Variants in ARHGAP4 observed in about 807,000 individuals in gnomAD.
ARHGAP4 encodes rho GTPase-activating protein 4.
ARHGAP4 carries 25 observed loss-of-function variants against 67.6 expected under a neutral mutation model. That is an observed-to-expected ratio of 0.37 (90% CI 0.27 to 0.52). The LOEUF (loss-of-function observed/expected upper bound fraction) is 0.52. ARHGAP4 is among the 20% of genes least tolerant of loss of function. The pLI is 0.92. For synonymous variants in ARHGAP4, 448 were observed against 373.7 expected (o/e 1.20, Z -2.29); for missense variants, 804 against 854.6 (o/e 0.94, Z 0.74).
chrX:153,914,011 C>G, intron 7 of ARHGAP4, 132 bp from the exon 8 acceptor site: 1 of 533,195 alleles, frequency 1.9e-6, no homozygotes, highest in Non-Finnish European at 3.1e-6. Flanking sequence ...CCCAGACGCT[C>G]AGCTGAAGAA....
rs782026819 is a variant in ARHGAP4 at position 153,913,399 on chromosome X, C to T, written c.1326+10G>A. On this transcript the variant is annotated intron_variant, in intron 9 of 21. Coordinates refer to ENST00000350060, the MANE Select transcript of ARHGAP4 (RefSeq NM_001666.5). ...CCACGGGTCCCGCCCACCAGCCCAGCCCTCCCCACCGTGAGGTAGAAGGTT... is the reference window on the plus strand; with the variant it reads ...CCACGGGTCCCGCCCACCAGCCCAGTCCTCCCCACCGTGAGGTAGAAGGTT... The T allele has an allele frequency of 9.4e-5, 113 of 1,207,135 alleles. No individual in the cohort carries two copies. The highest frequency in any genetic ancestry group is 1.2e-4 in the Non-Finnish European group (110 of 893,036).
At position 153,913,230 on chromosome X, in the gene ARHGAP4, C is replaced by T; in HGVS notation, c.1399G>A (p.Ala467Thr). 3 of 1,168,636 alleles carry T rather than the reference C, an allele frequency of 2.6e-6. No homozygotes were observed. Among genetic ancestry groups the T allele is most frequent in the Non-Finnish European group, 3.4e-6 (3 of 873,629 alleles). The change falls in exon 10 of 22, where the codon GCC becomes ACC. Residue 467 changes from alanine (A) to threonine (T), a missense_variant. By Grantham distance (58) the Ala-to-Thr change is moderately conservative. Around this residue, in one of 2 missense-constraint regions of ARHGAP4, gnomAD observed 404 missense variants for 505.9 expected, o/e 0.80. Transcript: ENST00000350060. ...LQAKHEKLQE[A>T]LQRGDKEEQE... is the part of the protein sequence containing the mutation. ...GCACTGGGCCCACCTCGCTGAAGGG[C>T]CTCCTGCAGCTTCTCGTGCTTGGCC...
At chrX:153,915,643 G>A (rs1183108577) in intron 7 of ARHGAP4, among the ~76,000 whole-genome samples, 3 of 111,630 alleles carry the variant, frequency 2.7e-5, no homozygotes, top group Non-Finnish European at 5.6e-5. Context: ...TCTTAGCCAC[G>A]CATGGTGGCA....
rs782464835 is a variant in ARHGAP4 at position 153,909,174 on chromosome X, A to C, written c.2508-5T>G. 5 of 1,196,762 alleles carry C rather than the reference A, an allele frequency of 4.2e-6. No homozygotes were observed. The East Asian group carries it at 1.5e-4, about 36-fold the overall frequency. On this transcript the variant is annotated splice_polypyrimidine_tract_variant and splice_region_variant and intron_variant, in intron 20 of 21. Transcript: ENST00000350060. Reference sequence around the variant, plus strand: ...GGTGAGGTGCATGGCTCTGGCCTGCAGGACAGACAGGGAGCCTGGTGGGGG... The same window carrying C: ...GGTGAGGTGCATGGCTCTGGCCTGCCGGACAGACAGGGAGCCTGGTGGGGG...
chrX:153,925,792 T>TGTAGCTA (rs2065122919), intron 1 of ARHGAP4, among the ~76,000 whole-genome samples: 1 of 112,916 alleles, frequency 8.9e-6, no homozygotes, highest in Admixed American at 9.3e-5. Flanking sequence ...TTGACTTCAC[T>TGTAGCTA]GTAGCTAAAA....
chrX:153,908,481 C>A (rs1400626961), intron 21 of ARHGAP4, among the ~76,000 whole-genome samples: 1 of 112,261 alleles, frequency 8.9e-6, no homozygotes, highest in Non-Finnish European at 1.9e-5. Flanking sequence ...TTCAGCCCGA[C>A]AGTGTTCACA....
chrX:153,921,175 A>G lies in ARHGAP4; in HGVS notation c.436-16T>C, dbSNP rs183992295. 1.1e-4 allele frequency: 134 copies of G among 1,195,351 alleles called. 2 individuals are homozygous for G. In the African/African-American group the frequency reaches 1.7e-3, roughly 15 times the overall value. ...GATCCCTGCTCTAGAGGCAGAGGCA[A>G]GGGTGAGCACGGCACTGCCCAGAGC... On this transcript the variant is annotated splice_polypyrimidine_tract_variant and intron_variant, in intron 3 of 21. Transcript: ENST00000350060.
intron 10 of ARHGAP4, 57 bp from the exon 11 acceptor site, chrX:153,913,108 CAGAG>C (rs2065032163): frequency 8.6e-7 from 1 of 1,167,378 alleles, no homozygotes; most frequent in African/African-American, 1.8e-5. Context: ...CAAGGCATCC[CAGAG>C]AGAAAGGTGT....
At chrX:153,923,966 C>T (rs989998067) in intron 1 of ARHGAP4, among the ~76,000 whole-genome samples, 31 of 111,171 alleles carry the variant, frequency 2.8e-4, no homozygotes, top group African/African-American at 9.8e-4. Flanking sequence ...TTAGTAGAGA[C>T]AGGGTTTCAT....
intron 21 of ARHGAP4, 88 bp downstream of exon 21, chrX:153,908,982 A>G (rs2064994440): frequency 3.0e-6 from 3 of 992,470 alleles, no homozygotes; most frequent in Non-Finnish European, 4.2e-6. Flanking sequence ...AACGACTGGA[A>G]CCTCGAGGAG....
At position 153,918,933 on chromosome X, in the gene ARHGAP4, C is replaced by T. The variant is rs1557104652; in HGVS notation, c.931G>A (p.Ala311Thr). The T allele has an allele frequency of 8.3e-7, 1 of 1,210,589 alleles. No individual in the cohort carries two copies. Among genetic ancestry groups the T allele is most frequent in the Non-Finnish European group, 1.1e-6 (1 of 895,188 alleles). ...GLGSLEEAVE[A>T]LDPPGDKAKV... ...GCTTTGTCCCCTGGAGGATCCAGGG[C>T]CTCCACAGCTTCTTCCAGGCTGCCC... The change falls in exon 7 of 22, where the codon GCC becomes ACC. Residue 311 changes from alanine (A) to threonine (T), a missense_variant. Transcript: ENST00000350060.
At position 153,911,009 on chromosome X, in the gene ARHGAP4, G is replaced by A. The variant is rs2065016993; in HGVS notation, c.1604-10C>T. 3 of 1,168,320 alleles carry A rather than the reference G, an allele frequency of 2.6e-6. No individual in the cohort carries two copies. The highest frequency in any genetic ancestry group is 3.6e-5 in the African/African-American group (2 of 56,319). ...CCTTCATGCTGCAGGCCTGTGGGAGGACAAGGAGCTGGTGGGCACTGAGCA... is the reference window on the plus strand; with the variant it reads ...CCTTCATGCTGCAGGCCTGTGGGAGAACAAGGAGCTGGTGGGCACTGAGCA... On this transcript the variant is annotated splice_polypyrimidine_tract_variant and intron_variant, in intron 13 of 21. Transcript: ENST00000350060.
In ARHGAP4 at chrX:153,907,841, G is replaced by A. The variant is rs151147398; in HGVS notation, c.2729C>T (p.Pro910Leu). 3.6e-5 allele frequency: 36 copies of A among 1,013,930 alleles called. No individual in the cohort carries two copies. The East Asian group carries it at 5.2e-4, about 15-fold the overall frequency. The allele number at this position is 1,013,930 out of a possible 1,213,427, so 83.6% of individuals were successfully genotyped here. ...GTTCCTGCCCAGGCGGCTGCTGGGC[G>A]GGGCCTTTGGGCTTCGGGGCCCAGG... The part of the protein sequence containing the change: ...PSPGPRSPKA[P>L]PSSRLGRNKG... Residue 910 changes from proline (P) to leucine (L), a missense_variant, in exon 22 of 22, where the codon CCG (proline) becomes CTG (leucine). By Grantham distance (98) the Pro-to-Leu change is moderately conservative. This residue lies in a region of ARHGAP4 where 400 missense variants were observed against 348.7 expected (regional missense o/e 1.15). Coordinates refer to ENST00000350060, the MANE Select transcript of ARHGAP4 (RefSeq NM_001666.5).
At chrX:153,926,087 C>T (rs782114967) in intron 1 of ARHGAP4, 49 bp downstream of exon 1, 3 of 1,187,201 alleles carry the variant, frequency 2.5e-6, no homozygotes, top group South Asian at 3.6e-5. Context: ...CCCTCACGAC[C>T]TTGGGTTCTC....
Position 153,918,979 on chromosome X carries a change from T to C in ARHGAP4, c.885A>G (p.Gln295=). 1 of 1,211,910 alleles carries C rather than the reference T, an allele frequency of 8.3e-7. No homozygotes were observed. Among genetic ancestry groups the C allele is most frequent in the South Asian group, 1.8e-5 (1 of 56,994 alleles). ...RSYTAAESRT[Q]ASQVQGLGSL... is the part of the protein sequence containing the mutation. ...TGCCCAGGCCCTGCACTTGGGAGGC[T>C]TGGGTGCGGCTCTCAGCGGCCGTGT... Residue 295 remains glutamine (Q), a synonymous_variant, in exon 7 of 22, where the codon CAA becomes CAG. Coordinates refer to ENST00000350060, the MANE Select transcript of ARHGAP4 (RefSeq NM_001666.5).
Position 153,913,761 on chromosome X carries a change from C to T in ARHGAP4, c.1134+17G>A, listed in dbSNP as rs1557103840. ...CAGGCCCTCGTCTCCCTCTAACCCC[C>T]GGTGGGCTGCCCAGACCTCCTCTGT... On this transcript the variant is annotated intron_variant, in intron 8 of 21. Coordinates refer to ENST00000350060, the MANE Select transcript of ARHGAP4 (RefSeq NM_001666.5). 6 of 1,208,703 alleles carry T rather than the reference C, an allele frequency of 5.0e-6. No homozygotes were observed. The highest frequency in any genetic ancestry group is 2.2e-5 in the Admixed American group (1 of 46,028).
intron 20 of ARHGAP4, 47 bp from the exon 21 acceptor site, chrX:153,909,216 A>G (rs1557102065): frequency 9.0e-7 from 1 of 1,112,878 alleles, no homozygotes; most frequent in South Asian, 2.0e-5. Context: ...GAAGTCCCTG[A>G]GCTAGCTGGG....
At position 153,924,669 on chromosome X, in the gene ARHGAP4, C is replaced by T. The variant is rs1317557090; in HGVS notation, c.67+1467G>A. Among the ~76,000 whole-genome samples the T allele has an allele frequency of 1.4e-4, 16 of 111,309 alleles. 1 individual carries two copies. The highest frequency in any genetic ancestry group is 1.2e-3 in the Admixed American group (13 of 10,510). ...AAGCCAGGGCTGGAGGGGCTGGAGT[C>T]GGGGTTCTCTCTGGTACAGCAGTAT... On this transcript the variant is annotated intron_variant, in intron 1 of 21. Transcript: ENST00000350060.
At chrX:153,922,101 C>G (rs1281229930) in intron 1 of ARHGAP4, 1 of 955,389 alleles carries the variant, frequency 1.0e-6, no homozygotes, top group Non-Finnish European at 1.3e-6. Context: ...GAGGGGAGAG[C>G]CGCCCCAGCG....
Sources: allele counts gnomAD v4.1 joint callset (sites outside exome capture counted in the v4.1 genomes callset), GRCh38; gene constraint gnomAD v4.1.1; regional missense constraint gnomAD v4.1.1; transcripts MANE v1.5; gene names NCBI Gene and HGNC (gene_info 2026-07-23, HGNC 2026-07-21).